Variants in ANKFN1 observed in about 807,000 individuals in gnomAD.
ANKFN1 encodes ankyrin repeat and fibronectin type-III domain-containing protein 1.
A neutral mutation model predicts 108.7 loss-of-function variants in ANKFN1; 74 were observed. The ratio of observed to expected loss-of-function variants is 0.68; its 90% CI spans 0.56 to 0.83. The LOEUF (loss-of-function observed/expected upper bound fraction) is 0.83. Among genes scored for constraint, ANKFN1 ranks in the 40% least tolerant of loss-of-function variants. The pLI is 0.00. For missense variants in ANKFN1, 1,505 were observed against 1,382.3 expected, an observed-to-expected ratio of 1.09 and a Z score of -1.41; for synonymous variants, 547 against 516.2, an observed-to-expected ratio of 1.06 and a Z score of -0.81.
chr17:56,131,929 A>G (rs1907307722), intron 4 of ANKFN1, among the ~76,000 whole-genome samples: 1 of 152,236 alleles, frequency 6.6e-6, no homozygotes, highest in South Asian at 2.1e-4. Context: ...TCTGAGGAAT[A>G]GAATTATTCT....
intron 9 of ANKFN1, 80 bp from the exon 10 acceptor site, chr17:56,442,763 T>C (rs2049150123): frequency 3.9e-6 from 5 of 1,270,456 alleles, no homozygotes; most frequent in Non-Finnish European, 5.6e-6. Flanking sequence ...TCACACATAG[T>C]TATTAAATTC....
chr17:56,467,943 G>C (rs763679371), intron 15 of ANKFN1, among the ~76,000 whole-genome samples: 1 of 152,172 alleles, frequency 6.6e-6, no homozygotes, highest in Admixed American at 6.5e-5. Flanking sequence ...ATGAAGCTTT[G>C]ATGTCCTTCA....
chr17:56,088,023 A>AT (rs1159809388), intron 4 of ANKFN1, among the ~76,000 whole-genome samples: 1 of 151,292 alleles, frequency 6.6e-6, no homozygotes, highest in African/African-American at 2.4e-5. Context: ...TCCATTAGGC[A>AT]TAGGCATGAG....
At chr17:56,421,257 G>A (rs1391822220) in intron 8 of ANKFN1, among the ~76,000 whole-genome samples, 3 of 152,208 alleles carry the variant, frequency 2.0e-5, no homozygotes, top group East Asian at 3.9e-4. Flanking sequence ...GCACAATGGT[G>A]CAAGACAGTG....
intron 5 of ANKFN1, among the ~76,000 whole-genome samples, chr17:56,351,299 G>C (rs532146170): frequency 1.3e-5 from 2 of 151,748 alleles, no homozygotes; most frequent in African/African-American, 4.8e-5. Flanking sequence ...GAGAGTTCCA[G>C]TGTTCATTCA....
chr17:56,196,466 G>T (rs546660654), intron 1 of ANKFN1, among the ~76,000 whole-genome samples: 3 of 152,234 alleles, frequency 2.0e-5, no homozygotes, highest in Admixed American at 6.5e-5. Flanking sequence ...AGGCGTGGTG[G>T]CTCACATCTG....
In ANKFN1 at chr17:56,089,114, G is replaced by C. The variant is rs1238248561; in HGVS notation, c.288+42789G>C. ...ATATGTGGAGGAGAGGATTTTAAAAGGGCGAAGGACTTTTCTTGTTTTGAA... is the reference window on the plus strand; with the variant it reads ...ATATGTGGAGGAGAGGATTTTAAAACGGCGAAGGACTTTTCTTGTTTTGAA... On this transcript the variant is annotated intron_variant, in intron 4 of 12. Coordinates refer to the ANKFN1 transcript ENST00000635860. Among the ~76,000 whole-genome samples the C allele has an allele frequency of 1.3e-5, 2 of 151,348 alleles. 1 individual carries two copies. The highest frequency in any genetic ancestry group is 3.0e-5 in the Non-Finnish European group (2 of 67,746).
In ANKFN1 at chr17:56,285,428, TA is replaced by T. The variant is rs901311796; in HGVS notation, c.54-40790del. ...TTGCCTGCCTGCTCTCCATACATAA[TA>T]AACTCCAGATGACTCCTTTATGCCT... On this transcript the variant is annotated intron_variant, in intron 3 of 20. Coordinates refer to ENST00000682825, the MANE Select transcript of ANKFN1 (RefSeq NM_001370326.1). Among the ~76,000 whole-genome samples the T allele has an allele frequency of 8.5e-5, 13 of 152,314 alleles. No individual in the cohort carries two copies. In the East Asian group the frequency reaches 2.5e-3, roughly 29 times the overall value.
chr17:56,169,178 G>A (rs921400446), intron 1 of ANKFN1, among the ~76,000 whole-genome samples: 3 of 152,294 alleles, frequency 2.0e-5, no homozygotes, highest in South Asian at 4.1e-4. Context: ...AAGGAGAGGC[G>A]CAGAGGAAGT....
chr17:56,165,299 G>T (rs897882766), intron 1 of ANKFN1, among the ~76,000 whole-genome samples: 1 of 151,726 alleles, frequency 6.6e-6, no homozygotes. Context: ...ATCACCCATC[G>T]AGTCCGTGTT....
chr17:56,423,788 G>A (rs1448607753), intron 8 of ANKFN1, among the ~76,000 whole-genome samples: 1 of 152,150 alleles, frequency 6.6e-6, no homozygotes, highest in Non-Finnish European at 1.5e-5. Context: ...CTGTTATAGG[G>A]AGCATCACAT....
intron 6 of ANKFN1, among the ~76,000 whole-genome samples, chr17:56,368,494 G>A (rs888422715): frequency 5.9e-5 from 9 of 151,274 alleles, no homozygotes; most frequent in African/African-American, 2.2e-4. Context: ...TGGTCAGGCT[G>A]GTCTCAAACT....
chr17:56,514,702 G>A lies in ANKFN1; in HGVS notation c.*3433G>A, dbSNP rs925368298. 6.6e-6 allele frequency among the ~76,000 whole-genome samples: 1 copy of A among 152,152 alleles called. No individual in the cohort carries two copies. The highest frequency in any genetic ancestry group is 6.5e-5 in the Admixed American group (1 of 15,272). On this transcript the variant is annotated 3_prime_UTR_variant, in exon 21 of 21. Transcript: ENST00000682825. ...CTGGAGAAATTGTTTCATTTGGTTT[G>A]AAAATTGAAGCAAGTTAGTAATAAT...
chr17:56,243,057 G>A (rs1917705738), intron 3 of ANKFN1, among the ~76,000 whole-genome samples: 1 of 151,934 alleles, frequency 6.6e-6, no homozygotes, highest in Non-Finnish European at 1.5e-5. Context: ...TATACAATTT[G>A]CAAATGTTCC....
intron 4 of ANKFN1, among the ~76,000 whole-genome samples, chr17:56,115,733 G>T (rs1906227535): frequency 6.6e-6 from 1 of 152,082 alleles, no homozygotes; most frequent in Non-Finnish European, 1.5e-5. Context: ...AACATGTCTG[G>T]GAAGAAAATG....
chr17:56,050,348 T>C (rs1482705820), intron 4 of ANKFN1, among the ~76,000 whole-genome samples: 1 of 148,180 alleles, frequency 6.7e-6, no homozygotes, highest in Non-Finnish European at 1.5e-5. Context: ...AGGTTGCCTG[T>C]TCACTCTGAT....
At chr17:56,134,960 A>G (rs16956717) in intron 4 of ANKFN1, among the ~76,000 whole-genome samples, 3,752 of 152,058 alleles carry the variant, frequency 0.025, 164 homozygotes, top group African/African-American at 0.086. Context: ...GAGTAGGGGC[A>G]CTCTTTTTCC....
At chr17:56,203,538 G>A (rs1914236838) in intron 1 of ANKFN1, among the ~76,000 whole-genome samples, 1 of 152,216 alleles carries the variant, frequency 6.6e-6, no homozygotes, top group Admixed American at 6.5e-5. Flanking sequence ...CATGACCTCA[G>A]GGACTGAGGG....
chr17:56,139,024 A>G (rs543711297), intron 4 of ANKFN1, among the ~76,000 whole-genome samples: 25 of 152,338 alleles, frequency 1.6e-4, no homozygotes, highest in Non-Finnish European at 3.5e-4. Context: ...CTATCAGATG[A>G]TACAATGAAT....
Sources: allele counts gnomAD v4.1 joint callset (sites outside exome capture counted in the v4.1 genomes callset), GRCh38; gene constraint gnomAD v4.1.1; transcripts MANE v1.5; gene names NCBI Gene and HGNC (gene_info 2026-07-23, HGNC 2026-07-21).